The following AFG2A variants were observed in gnomAD, a reference collection of about 807,000 sequenced individuals.
The protein encoded by AFG2A is AAA ATPase AFG2A.
chr4:122,944,487 C>G, the AFG2A span, among the ~76,000 whole-genome samples: 2 of 152,194 alleles, frequency 1.3e-5, no homozygotes, highest in African/African-American at 2.4e-5. Flanking sequence ...TCAGCTCCAT[C>G]AGCTCCTTTA....
the AFG2A span, among the ~76,000 whole-genome samples, chr4:123,293,550 G>A: frequency 6.6e-6 from 1 of 152,160 alleles, no homozygotes; most frequent in East Asian, 1.9e-4. Flanking sequence ...GCTGGTGCTG[G>A]GGAATGTCTA....
chr4:123,255,254 C>T, the AFG2A span, among the ~76,000 whole-genome samples: 1 of 151,034 alleles, frequency 6.6e-6, no homozygotes, highest in East Asian at 2.0e-4. Context: ...GGCACCGTGG[C>T]TCACGCCTGT....
the AFG2A span, among the ~76,000 whole-genome samples, chr4:123,007,160 C>T: frequency 1.3e-5 from 2 of 151,726 alleles, no homozygotes; most frequent in Non-Finnish European, 2.9e-5. Context: ...CAGTTTGATC[C>T]TTTTTAGTCT....
the AFG2A span, among the ~76,000 whole-genome samples, chr4:123,121,997 C>T: frequency 6.6e-6 from 1 of 152,248 alleles, no homozygotes; most frequent in South Asian, 2.1e-4. Context: ...CACCTTATGT[C>T]TTGAAACCCT....
At chr4:123,240,227 A>C in the AFG2A span, among the ~76,000 whole-genome samples, 1 of 152,222 alleles carries the variant, frequency 6.6e-6, no homozygotes, top group Non-Finnish European at 1.5e-5. Flanking sequence ...TCAACGTGAC[A>C]GAAGTTTAAC....
the AFG2A span, chr4:122,947,440 G>C: frequency 1.9e-6 from 3 of 1,613,958 alleles, no homozygotes; most frequent in African/African-American, 4.0e-5. Flanking sequence ...GGCAAATAGT[G>C]CTCATGGATA....
the AFG2A span, among the ~76,000 whole-genome samples, chr4:123,274,948 C>T: frequency 2.0e-4 from 30 of 152,070 alleles, no homozygotes; most frequent in Non-Finnish European, 1.3e-4. Context: ...GATTCAGCTG[C>T]TTTGGTGTTG....
chr4:123,193,242 C>T, the AFG2A span, among the ~76,000 whole-genome samples: 250 of 152,258 alleles, frequency 1.6e-3, 1 homozygote, highest in Middle Eastern at 0.014. Context: ...TGTTTATGCA[C>T]GTACACATTA....
the AFG2A span, chr4:122,935,797 G>C: frequency 6.2e-7 from 1 of 1,613,142 alleles, no homozygotes; most frequent in South Asian, 1.1e-5. Context: ...TGCTAATGAA[G>C]TTGGAGCCTA....
At chr4:123,018,773 A>C in the AFG2A span, among the ~76,000 whole-genome samples, 1 of 150,238 alleles carries the variant, frequency 6.7e-6, no homozygotes, top group Middle Eastern at 3.5e-3. Flanking sequence ...AGCTGGGATT[A>C]CTGGCATGCA....
chr4:123,061,307 G>A, the AFG2A span, among the ~76,000 whole-genome samples: 10 of 152,080 alleles, frequency 6.6e-5, no homozygotes, highest in South Asian at 2.1e-4. Flanking sequence ...CCACTCTACC[G>A]TTACCAGTTT....
the AFG2A span, among the ~76,000 whole-genome samples, chr4:123,100,239 G>A: frequency 6.6e-6 from 1 of 151,906 alleles, no homozygotes; most frequent in East Asian, 1.9e-4. Flanking sequence ...TTTTGTGTCA[G>A]ACTATTAAGA....
At chr4:123,075,980 A>C in the AFG2A span, among the ~76,000 whole-genome samples, 195 of 144,486 alleles carry the variant, frequency 1.3e-3, 1 homozygote, top group African/African-American at 3.9e-3. Flanking sequence ...CAACAACAAA[A>C]AAAAAAACAA....
the AFG2A span, among the ~76,000 whole-genome samples, chr4:123,132,269 C>G: frequency 6.6e-6 from 1 of 152,064 alleles, no homozygotes; most frequent in South Asian, 2.1e-4. Context: ...GGGTTTGTAT[C>G]CTTTGACTAA....
At chr4:122,973,610 T>G in the AFG2A span, among the ~76,000 whole-genome samples, 24,839 of 152,176 alleles carry the variant, frequency 0.16, 2,465 homozygotes, top group East Asian at 0.45. Flanking sequence ...TAGTATGCAT[T>G]GCAAACATTG....
At chr4:123,240,635 G>A in the AFG2A span, among the ~76,000 whole-genome samples, 5 of 152,180 alleles carry the variant, frequency 3.3e-5, no homozygotes, top group African/African-American at 1.2e-4. Flanking sequence ...TTAAAGCAGT[G>A]TGTAGAGGGA....
At chr4:123,301,099 G>A in the AFG2A span, among the ~76,000 whole-genome samples, 109,768 of 151,978 alleles carry the variant, frequency 0.72, 40,876 homozygotes, top group Non-Finnish European at 0.81. Context: ...TTTTGGTTTT[G>A]GATCCTTTTT....
chr4:123,132,705 A>C, the AFG2A span, among the ~76,000 whole-genome samples: 1 of 148,680 alleles, frequency 6.7e-6, no homozygotes, highest in Non-Finnish European at 1.5e-5. Flanking sequence ...TAGCTTGGCT[A>C]TTGTGAATAA....
At chr4:123,074,370 C>T in the AFG2A span, among the ~76,000 whole-genome samples, 1 of 151,112 alleles carries the variant, frequency 6.6e-6, no homozygotes, top group Non-Finnish European at 1.5e-5. Flanking sequence ...CATAAGGGGA[C>T]TCTATACTTT....
Sources: gnomAD v4.1 joint callset for allele counts (sites outside exome capture counted in the v4.1 genomes callset) on GRCh38, gnomAD v4.1.1 for gene constraint, MANE v1.5 for transcripts, NCBI Gene and HGNC (gene_info 2026-07-23, HGNC 2026-07-21) for gene names.